Variants in ADD1 observed in about 807,000 individuals in gnomAD.
The protein encoded by ADD1 is adducin 1.
A neutral mutation model predicts 80.5 loss-of-function variants in ADD1; 24 were observed. The observed-to-expected ratio is 0.30, with a 90% CI of 0.22 to 0.42. The LOEUF (loss-of-function observed/expected upper bound fraction) is 0.42. Among genes scored for constraint, ADD1 ranks in the 10% least tolerant of loss-of-function variants. The pLI is 1.00. For missense variants in ADD1, 948 were observed against 1,019.0 expected (o/e 0.93, Z 0.95); for synonymous variants, 373 against 393.8 (o/e 0.95, Z 0.63).
chr4:2,922,994 A>C (rs967127001), intron 14 of ADD1, among the ~76,000 whole-genome samples: 4 of 152,208 alleles, frequency 2.6e-5, no homozygotes, highest in Admixed American at 2.6e-4. Context: ...CCCCCCACCA[A>C]GCTCCAGCAT....
chr4:2,876,632 C>T (rs1731343076), intron 2 of ADD1, among the ~76,000 whole-genome samples: 1 of 151,956 alleles, frequency 6.6e-6, no homozygotes, highest in Non-Finnish European at 1.5e-5. Context: ...GTCAGGAGAT[C>T]GAGACCATCC....
rs894178609 is a variant in ADD1, at chr4:2,873,679, G to A, written c.-20-2217G>A. 1.2e-4 allele frequency among the ~76,000 whole-genome samples: 18 copies of A among 152,106 alleles called. 1 individual carries two copies. The highest frequency in any genetic ancestry group is 1.2e-3 in the Admixed American group (18 of 15,274). On this transcript the variant is annotated intron_variant, in intron 1 of 15. Transcript: ENST00000683351. ...ATATCCTTTTTTACCGATGAAAATGGCTTATAATTGGGACTCATAATGATT... is the reference window on the plus strand; with the variant it reads ...ATATCCTTTTTTACCGATGAAAATGACTTATAATTGGGACTCATAATGATT...
chr4:2,848,844 T>C (rs59426248), intron 1 of ADD1, among the ~76,000 whole-genome samples: 2,653 of 152,320 alleles, frequency 0.017, 56 homozygotes, highest in African/African-American at 0.046. Flanking sequence ...TGGGCACTTA[T>C]GAGGTACATC....
At chr4:2,860,680 T>A (rs1728709570) in intron 1 of ADD1, among the ~76,000 whole-genome samples, 1 of 152,200 alleles carries the variant, frequency 6.6e-6, no homozygotes, top group African/African-American at 2.4e-5. Flanking sequence ...TTTATTATAC[T>A]AGGGGAGATA....
rs754218185 is a variant in ADD1, at chr4:2,852,138, TTTTCTTTCTTTC to T, written c.-21+8163_-21+8174del. Among the ~76,000 whole-genome samples, 375 of 97,642 alleles carry T rather than the reference TTTTCTTTCTTTC, an allele frequency of 3.8e-3. 6 individuals carry two copies. Among genetic ancestry groups the T allele is most frequent in the African/African-American group, 0.011 (267 of 23,730 alleles). 64.1% of individuals were successfully genotyped at this position (97,642 alleles called of 152,430 possible). On this transcript the variant is annotated intron_variant, in intron 1 of 15. Coordinates refer to ENST00000683351, the MANE Select transcript of ADD1 (RefSeq NM_001354761.2). Reference sequence around the variant, plus strand: ...GGCATGAGCCACAGCACCCGGCCTCTTTTCTTTCTTTCTTTCTTTCTTTCTTTCTTTCTTTCT... The same window carrying T: ...GGCATGAGCCACAGCACCCGGCCTCTTTTCTTTCTTTCTTTCTTTCTTTCT...
rs144098218 is a variant in ADD1, at chr4:2,879,692, G to A, written c.196-2206G>A. ...GGCTGGAGTGCAGTGGCGTGATCTC[G>A]GCTCACTGTAGCCTCCACCTCCCGA... On this transcript the variant is annotated intron_variant, in intron 2 of 15. Transcript: ENST00000683351. 1.1e-4 allele frequency among the ~76,000 whole-genome samples: 17 copies of A among 151,734 alleles called. No individual in the cohort carries two copies. The East Asian group carries it at 2.9e-3, about 26-fold the overall frequency.
At chr4:2,885,416 T>C (rs1733091091) in intron 4 of ADD1, among the ~76,000 whole-genome samples, 1 of 152,160 alleles carries the variant, frequency 6.6e-6, no homozygotes, top group Non-Finnish European at 1.5e-5. Context: ...ACCTTACTAA[T>C]ATTTAAGCCT....
chr4:2,886,944 C>G (rs1056870161), intron 4 of ADD1, among the ~76,000 whole-genome samples: 5 of 152,238 alleles, frequency 3.3e-5, no homozygotes, highest in Non-Finnish European at 7.3e-5. Flanking sequence ...ACTGTGATAA[C>G]AGCTTCACCT....
At chr4:2,890,129 G>A (rs1734057977) in intron 4 of ADD1, among the ~76,000 whole-genome samples, 1 of 151,440 alleles carries the variant, frequency 6.6e-6, no homozygotes, top group African/African-American at 2.4e-5. Context: ...GGGAGGTGAA[G>A]GTTGCAGTGA....
intron 1 of ADD1, among the ~76,000 whole-genome samples, chr4:2,865,251 C>G (rs1244528846): frequency 1.3e-5 from 2 of 151,906 alleles, no homozygotes; most frequent in East Asian, 3.9e-4. Context: ...CTCATAATTA[C>G]TTGATAGCAT....
At chr4:2,888,316 C>T (rs576448688) in intron 4 of ADD1, among the ~76,000 whole-genome samples, 10 of 151,424 alleles carry the variant, frequency 6.6e-5, no homozygotes, top group Middle Eastern at 3.5e-3. Flanking sequence ...TGGCCTCAAG[C>T]GATCCGCCTG....
In ADD1 at chr4:2,928,920, T is replaced by G; in HGVS notation, c.*397T>G. 1 of 202,134 alleles carries G rather than the reference T, an allele frequency of 4.9e-6. No homozygotes were observed. The highest frequency in any genetic ancestry group is 9.7e-6 in the Non-Finnish European group (1 of 102,652). 12.5% of individuals were successfully genotyped at this position (202,134 alleles called of 1,614,324 possible). On this transcript the variant is annotated 3_prime_UTR_variant, in exon 16 of 16. Coordinates refer to ENST00000683351, the MANE Select transcript of ADD1 (RefSeq NM_001354761.2). ...TCTCTGCTTGGCTTCCCCTCCACCC[T>G]AAAGTCTCAGGTGACGGACTCAGAC...
intron 8 of ADD1, chr4:2,898,972 C>G (rs1735728157): frequency 2.4e-6 from 1 of 421,422 alleles, no homozygotes; most frequent in Non-Finnish European, 4.3e-6. Context: ...CCCTCTGCTT[C>G]TTGACTTATG....
chr4:2,865,682 TC>T (rs1355027219), intron 1 of ADD1, among the ~76,000 whole-genome samples: 2 of 151,924 alleles, frequency 1.3e-5, no homozygotes, highest in Non-Finnish European at 2.9e-5. Flanking sequence ...TTCCCTACCT[TC>T]CCCCTGCTCC....
Position 2,926,735 on chromosome 4 carries a change from C to A in ADD1, c.2047+623C>A. ...CCCTGCGCTTTGCCTCATTCTCCTG[C>A]TTCTTTGTTGTTTATTAAGTTTTGT... On this transcript the variant is annotated intron_variant, in intron 15 of 15. Coordinates refer to ENST00000683351, the MANE Select transcript of ADD1 (RefSeq NM_001354761.2). The surrounding 1 kb of genome is among the most constrained non-coding windows in gnomAD (Gnocchi z 5.0). The A allele has an allele frequency of 6.5e-7, 1 of 1,539,126 alleles. No homozygotes were observed. The highest frequency in any genetic ancestry group is 8.9e-7 in the Non-Finnish European group (1 of 1,120,714).
At chr4:2,856,934 A>G (rs573123339) in intron 1 of ADD1, among the ~76,000 whole-genome samples, 1 of 146,762 alleles carries the variant, frequency 6.8e-6, no homozygotes, top group East Asian at 2.0e-4. Context: ...TTTTTTTGAG[A>G]TGGAGTCTTG....
intron 14 of ADD1, among the ~76,000 whole-genome samples, chr4:2,919,029 C>T (rs34158662): frequency 0.04 from 6,108 of 151,840 alleles, 173 homozygotes; most frequent in South Asian, 0.053. Context: ...TTATTAGAGG[C>T]GGGGTTTCAC....
At chr4:2,867,752 T>C (rs994998782) in intron 1 of ADD1, 1 of 152,176 alleles carries the variant, frequency 6.6e-6, no homozygotes, top group African/African-American at 2.4e-5. Context: ...AGTTTTACTT[T>C]TTGCTTTTGT....
chr4:2,849,903 A>G (rs563578299), intron 1 of ADD1, among the ~76,000 whole-genome samples: 3 of 152,222 alleles, frequency 2.0e-5, no homozygotes, highest in Non-Finnish European at 4.4e-5. Flanking sequence ...ACTTTTCTCC[A>G]TCGGAAAATT....
Sources: gnomAD v4.1 joint callset for allele counts (sites outside exome capture counted in the v4.1 genomes callset) on GRCh38, gnomAD v4.1.1 for gene constraint, Gnocchi (gnomAD v3.1) non-coding constraint, MANE v1.5 for transcripts, NCBI Gene and HGNC (gene_info 2026-07-23, HGNC 2026-07-21) for gene names.